ZNF383: variants seen among roughly 807,000 people sequenced by gnomAD.
The protein encoded by ZNF383 is zinc finger protein 383.
Under a neutral mutation model 44.2 loss-of-function variants are expected in ZNF383, and 32 were observed. That is an observed-to-expected ratio of 0.72 (90% confidence interval 0.55 to 0.97). ZNF383 has a LOEUF of 0.97. Ranked by LOEUF, ZNF383 falls within the 50% of genes least tolerant of loss-of-function variation. The pLI, the probability that ZNF383 is intolerant of heterozygous loss-of-function variation, is 0.00. For synonymous variants in ZNF383, 155 were observed against 186.2 expected (o/e 0.83, Z 1.36); for missense variants, 487 against 562.5 (o/e 0.87, Z 1.36).
chr19:37,241,654 G>A (rs1974087638), intron 5 of ZNF383, among the ~76,000 whole-genome samples: 1 of 152,066 alleles, frequency 6.6e-6, no homozygotes, highest in Non-Finnish European at 1.5e-5. Flanking sequence ...GTAATCACAA[G>A]CTAGTGTTTC....
At chr19:37,222,614 G>T (rs1972976928) in intron 1 of ZNF383, among the ~76,000 whole-genome samples, 1 of 152,148 alleles carries the variant, frequency 6.6e-6, no homozygotes, top group Non-Finnish European at 1.5e-5. Flanking sequence ...CTGACCTCAG[G>T]TGATCCGCCC....
At chr19:37,237,792 G>A (rs542847657) in intron 5 of ZNF383, among the ~76,000 whole-genome samples, 184 of 151,800 alleles carry the variant, frequency 1.2e-3, no homozygotes, top group African/African-American at 4.4e-3. Flanking sequence ...TAAGAGCACC[G>A]AAACCCATCC....
rs1974269537 is a variant in ZNF383, at chr19:37,244,156, T to C, written c.*492T>C. The C allele has an allele frequency of 6.6e-6, 1 of 152,260 alleles. No homozygotes were observed. The highest frequency in any genetic ancestry group is 6.6e-5 in the Admixed American group (1 of 15,264). 9.4% of individuals were successfully genotyped at this position (152,260 alleles called of 1,614,324 possible). ...TGGAGTGCAGTGGCGCAATCTCGGC[T>C]CGCTGCAACCTCCACCTCCCGGCTT... On this transcript the variant is annotated 3_prime_UTR_variant, in exon 6 of 6. Coordinates refer to ENST00000684119, the MANE Select transcript of ZNF383 (RefSeq NM_001387601.1).
rs943384149 is a variant in ZNF383, at chr19:37,243,944, A to G, written c.*280A>G. 4 of 278,042 alleles carry G rather than the reference A, an allele frequency of 1.4e-5. No homozygotes were observed. The highest frequency in any genetic ancestry group is 4.4e-5 in the African/African-American group (2 of 45,810). 17.2% of individuals were successfully genotyped at this position (278,042 alleles called of 1,614,324 possible). On this transcript the variant is annotated 3_prime_UTR_variant, in exon 6 of 6. Transcript: ENST00000684119. ...TATATTTGCTTGTGTTTTTAGAGCTATCTTTTCTGATCTGTGTATTTGTGT... is the reference window on the plus strand; with the variant it reads ...TATATTTGCTTGTGTTTTTAGAGCTGTCTTTTCTGATCTGTGTATTTGTGT...
chr19:37,225,671 G>A (rs1034959586), intron 2 of ZNF383, among the ~76,000 whole-genome samples: 1 of 152,094 alleles, frequency 6.6e-6, no homozygotes, highest in Non-Finnish European at 1.5e-5. Context: ...GGGATTCACT[G>A]CAGTTAGTCA....
At chr19:37,239,081 G>A (rs986079983) in intron 5 of ZNF383, among the ~76,000 whole-genome samples, 5 of 152,180 alleles carry the variant, frequency 3.3e-5, no homozygotes, top group South Asian at 2.1e-4. Flanking sequence ...CACTGCGCCC[G>A]GCTCATTTTT....
chr19:37,229,804 T>TATATA (rs753536521), intron 2 of ZNF383, among the ~76,000 whole-genome samples: 2 of 78,012 alleles, frequency 2.6e-5, no homozygotes, highest in African/African-American at 5.6e-5. Flanking sequence ...ATATATATAT[T>TATATA]TTTTTTTTTT....
rs199865251 is a variant in ZNF383, at chr19:37,230,415, G to A, written c.-39G>A. On this transcript the variant is annotated 5_prime_UTR_variant, in exon 3 of 6. Coordinates refer to ENST00000684119, the MANE Select transcript of ZNF383 (RefSeq NM_001387601.1). ...GAACACTGTCCTTTTTCAGGAGAAC[G>A]GCCTCAAGGAAGACTAACCATCTGC... 23 of 1,610,016 alleles carry A rather than the reference G, an allele frequency of 1.4e-5. No individual in the cohort carries two copies. The East Asian group carries it at 2.9e-4, about 20-fold the overall frequency.
Position 37,243,441 on chromosome 19 carries a change from C to T in ZNF383, c.1205C>T (p.Ala402Val). The change falls in exon 6 of 6, where the codon GCC becomes GTC. Residue 402 changes from alanine (A) to valine (V), a missense_variant. Transcript: ENST00000684119. Reference protein sequence around the residue: ...KPFECLECGKAFTQNSQLFQH... With the variant: ...KPFECLECGKVFTQNSQLFQH... ...TTTGAATGTCTTGAATGTGGGAAGG[C>T]CTTTACTCAGAACTCACAACTTTTC... 1 of 1,614,096 alleles carries T rather than the reference C, an allele frequency of 6.2e-7. No homozygotes were observed. Among genetic ancestry groups the T allele is most frequent in the African/African-American group, 1.3e-5 (1 of 75,028 alleles).
At chr19:37,232,089 T>G (rs982000961) in intron 3 of ZNF383, among the ~76,000 whole-genome samples, 4 of 151,964 alleles carry the variant, frequency 2.6e-5, no homozygotes, top group Non-Finnish European at 4.4e-5. Context: ...TTGTTTTTTT[T>G]TTTTGAGACG....
At chr19:37,230,522 G>A (rs1164542585) in intron 3 of ZNF383, 60 bp downstream of exon 3, 16 of 1,468,222 alleles carry the variant, frequency 1.1e-5, no homozygotes, top group Non-Finnish European at 1.5e-5. Context: ...AAAAAGACAT[G>A]AGCATTTGCT....
In ZNF383 at chr19:37,230,430, T is replaced by C. The variant is rs1288488213; in HGVS notation, c.-24T>C. The C allele has an allele frequency of 6.2e-7, 1 of 1,613,050 alleles. No homozygotes were observed. The highest frequency in any genetic ancestry group is 1.7e-5 in the Admixed American group (1 of 59,910). ...TCAGGAGAACGGCCTCAAGGAAGAC[T>C]AACCATCTGCAATACTAGAAGCCAT... On this transcript the variant is annotated 5_prime_UTR_variant, in exon 3 of 6. Transcript: ENST00000684119.
At chr19:37,236,131 C>A in intron 5 of ZNF383, 57 bp downstream of exon 5, 2 of 1,407,908 alleles carry the variant, frequency 1.4e-6, no homozygotes, top group South Asian at 1.3e-5. Flanking sequence ...CTCAGCTGGT[C>A]AGGGAGGAAA....
intron 3 of ZNF383, among the ~76,000 whole-genome samples, chr19:37,235,159 G>A (rs143325761): frequency 0.015 from 2,324 of 152,004 alleles, 63 homozygotes; most frequent in African/African-American, 0.051. Flanking sequence ...TGTAATCCCC[G>A]CTACTCGGGA....
chr19:37,241,708 G>A (rs1459026455), intron 5 of ZNF383, among the ~76,000 whole-genome samples: 1 of 152,024 alleles, frequency 6.6e-6, no homozygotes, highest in Non-Finnish European at 1.5e-5. Context: ...GTCCTACCAT[G>A]AATTACCTTA....
intron 1 of ZNF383, among the ~76,000 whole-genome samples, chr19:37,220,568 T>G (rs77252365): frequency 0.13 from 16,398 of 122,322 alleles, 1,185 homozygotes; most frequent in East Asian, 0.29. Context: ...TGTTTTTTTT[T>G]TTGTTGTTGT....
Position 37,236,086 on chromosome 19 carries a change from A to G in ZNF383, c.232+12A>G, listed in dbSNP as rs1973775955. On this transcript the variant is annotated intron_variant, in intron 5 of 5. Transcript: ENST00000684119. ...AGGCCTGTGTTCAGGTAAGTGAGAA[A>G]TGACCGGACAGGAGAAAGTCACGAT... 3 of 1,608,206 alleles carry G rather than the reference A, an allele frequency of 1.9e-6. No homozygotes were observed. The African/African-American group carries it at 4.0e-5, about 22-fold the overall frequency.
chr19:37,222,978 G>A (rs1415189142), intron 1 of ZNF383, among the ~76,000 whole-genome samples: 2 of 152,188 alleles, frequency 1.3e-5, no homozygotes, highest in African/African-American at 4.8e-5. Flanking sequence ...TAGAGATAAA[G>A]AGGAATAGTT....
At chr19:37,219,998 GTC>G (rs1002640927) in intron 1 of ZNF383, among the ~76,000 whole-genome samples, 1 of 151,920 alleles carries the variant, frequency 6.6e-6, no homozygotes, top group African/African-American at 2.4e-5. Flanking sequence ...CCCCTCCTCT[GTC>G]TCACACACAC....
Sources: allele counts gnomAD v4.1 joint callset (sites outside exome capture counted in the v4.1 genomes callset), GRCh38; gene constraint gnomAD v4.1.1; transcripts MANE v1.5; gene names NCBI Gene and HGNC (gene_info 2026-07-23, HGNC 2026-07-21).